Variants in ATP6V0D1 observed in about 807,000 individuals in gnomAD.
ATP6V0D1 encodes the protein ATPase H+ transporting V0 subunit d1.
In ATP6V0D1, 13 loss-of-function variants were observed where a neutral mutation model predicts 39.0. The observed-to-expected ratio is 0.33, with a 90% CI of 0.22 to 0.53. ATP6V0D1 has a LOEUF of 0.53. Ranked by LOEUF, ATP6V0D1 falls within the 20% of genes least tolerant of loss-of-function variation. The pLI, the probability that ATP6V0D1 is intolerant of heterozygous loss-of-function variation, is 0.94. For synonymous variants in ATP6V0D1, 191 were observed against 191.2 expected (o/e 1.00, Z 0.01); for missense variants, 272 against 470.9 (o/e 0.58, Z 3.91).
At chr16:67,468,954 C>T (rs1318126634) in intron 1 of ATP6V0D1, among the ~76,000 whole-genome samples, 3 of 152,218 alleles carry the variant, frequency 2.0e-5, no homozygotes, top group Non-Finnish European at 4.4e-5. Flanking sequence ...GATTTGGAAA[C>T]AGCAGTTATT....
intron 1 of ATP6V0D1, among the ~76,000 whole-genome samples, chr16:67,462,060 G>A (rs2041293182): frequency 6.6e-6 from 1 of 152,192 alleles, no homozygotes; most frequent in Non-Finnish European, 1.5e-5. Context: ...CAAAGGGAGG[G>A]GCAGAACTGG....
chr16:67,444,088 T>C lies in ATP6V0D1; in HGVS notation c.481+440A>G, dbSNP rs2041086671. Among the ~76,000 whole-genome samples the C allele has an allele frequency of 6.6e-6, 1 of 152,234 alleles. No homozygotes were observed. The highest frequency in any genetic ancestry group is 6.5e-5 in the Admixed American group (1 of 15,286). On this transcript the variant is annotated intron_variant, in intron 3 of 7. Transcript: ENST00000290949. The surrounding 1 kb of genome is among the most constrained non-coding windows in gnomAD (Gnocchi z 4.8). ...GCTGTCTGACCTGGCCCAGGGGACC[T>C]GCTCGGTGGAGGGAAGTGGCAGTGT...
At chr16:67,448,307 C>A (rs2041140187) in intron 2 of ATP6V0D1, among the ~76,000 whole-genome samples, 1 of 150,764 alleles carries the variant, frequency 6.6e-6, no homozygotes, top group Admixed American at 6.6e-5. Context: ...GAGCTATGAT[C>A]ATGCCACTGC....
intron 5 of ATP6V0D1, 24 bp downstream of exon 5, chr16:67,439,250 G>A (rs1459628459): frequency 5.0e-6 from 8 of 1,614,062 alleles, no homozygotes; most frequent in Middle Eastern, 1.7e-4. Context: ...GCACCAGCAG[G>A]CAGGAGGGCG....
chr16:67,464,593 G>A (rs2041314774), intron 1 of ATP6V0D1, among the ~76,000 whole-genome samples: 1 of 152,226 alleles, frequency 6.6e-6, no homozygotes, highest in Admixed American at 6.5e-5. Flanking sequence ...AACAGCCTCA[G>A]AAGAACTGAT....
chr16:67,466,860 C>A (rs1467099689), intron 1 of ATP6V0D1, among the ~76,000 whole-genome samples: 1 of 152,080 alleles, frequency 6.6e-6, no homozygotes, highest in African/African-American at 2.4e-5. Context: ...GAAAGCCAAA[C>A]CGGAGACCAC....
intron 2 of ATP6V0D1, among the ~76,000 whole-genome samples, chr16:67,452,658 C>T (rs1014802144): frequency 6.6e-6 from 1 of 152,228 alleles, no homozygotes; most frequent in Non-Finnish European, 1.5e-5. Flanking sequence ...CATGCCTCTG[C>T]TCACCACCCC....
At chr16:67,478,595 C>G (rs570344363) in intron 1 of ATP6V0D1, among the ~76,000 whole-genome samples, 1 of 132,174 alleles carries the variant, frequency 7.6e-6, no homozygotes, top group East Asian at 2.2e-4. Flanking sequence ...GCCTGGGTGA[C>G]AGGGCTAGAC....
chr16:67,477,310 GAAAC>G (rs1396339803), intron 1 of ATP6V0D1, among the ~76,000 whole-genome samples: 1 of 152,106 alleles, frequency 6.6e-6, no homozygotes, highest in Admixed American at 6.6e-5. Flanking sequence ...CATCCCAATT[GAAAC>G]AAATAAATCA....
chr16:67,452,915 C>T (rs1261856236), intron 2 of ATP6V0D1, among the ~76,000 whole-genome samples: 2 of 152,172 alleles, frequency 1.3e-5, no homozygotes, highest in African/African-American at 4.8e-5. Context: ...CTGGGGCAGC[C>T]AAGAGTCATA....
At position 67,453,501 on chromosome 16, in the gene ATP6V0D1, T is replaced by C; in HGVS notation, c.302+43A>G. The C allele has an allele frequency of 1.2e-6, 2 of 1,605,290 alleles. No homozygotes were observed. The highest frequency in any genetic ancestry group is 2.2e-5 in the East Asian group (1 of 44,754). On this transcript the variant is annotated intron_variant, in intron 2 of 7. Transcript: ENST00000290949. This position sits in a 1 kb window ranked among gnomAD's most constrained non-coding sequence, Gnocchi z 4.1. Reference sequence around the variant, plus strand: ...AACCCAGCTCCTGCAGGTGTAGCTATCCTGCCCAGGTAAGAGAAGAAGGCG... The same window carrying C: ...AACCCAGCTCCTGCAGGTGTAGCTACCCTGCCCAGGTAAGAGAAGAAGGCG...
chr16:67,471,702 C>G (rs533131362), intron 1 of ATP6V0D1, among the ~76,000 whole-genome samples: 9 of 151,770 alleles, frequency 5.9e-5, no homozygotes, highest in African/African-American at 1.9e-4. Context: ...GACGGGGTCT[C>G]TCTCTGTTGC....
intron 1 of ATP6V0D1, among the ~76,000 whole-genome samples, chr16:67,475,327 G>A (rs965310093): frequency 2.6e-5 from 4 of 152,220 alleles, no homozygotes; most frequent in Non-Finnish European, 5.9e-5. Context: ...GCCAAGTCCA[G>A]CCTGGAGTCT....
chr16:67,458,961 T>C, intron 1 of ATP6V0D1: 4 of 786,300 alleles, frequency 5.1e-6, no homozygotes, highest in Non-Finnish European at 6.2e-6. Flanking sequence ...CCACTCTCCA[T>C]ACCATCACCA....
intron 1 of ATP6V0D1, among the ~76,000 whole-genome samples, chr16:67,466,601 G>A (rs952470020): frequency 9.9e-5 from 15 of 151,992 alleles, no homozygotes; most frequent in Admixed American, 2.0e-4. Flanking sequence ...TTGGAAGGCC[G>A]AGGCTGAAAG....
intron 1 of ATP6V0D1, among the ~76,000 whole-genome samples, chr16:67,460,473 T>C (rs893110455): frequency 1.3e-5 from 2 of 152,048 alleles, no homozygotes; most frequent in African/African-American, 4.8e-5. Flanking sequence ...TCTGGAACTC[T>C]CAGTGTGGGA....
intron 1 of ATP6V0D1, chr16:67,455,615 G>C (rs1304297856): frequency 1.3e-5 from 2 of 152,222 alleles, no homozygotes; most frequent in Admixed American, 1.3e-4. Flanking sequence ...AGAAGAGAAA[G>C]TCAGGCAGGG....
intron 1 of ATP6V0D1, among the ~76,000 whole-genome samples, chr16:67,463,048 T>G (rs759084303): frequency 6.6e-6 from 1 of 152,142 alleles, no homozygotes; most frequent in African/African-American, 2.4e-5. Flanking sequence ...AATAAGCAGG[T>G]CAGGCTGGAT....
chr16:67,462,889 C>A (rs1182344667), intron 1 of ATP6V0D1, among the ~76,000 whole-genome samples: 1 of 152,072 alleles, frequency 6.6e-6, no homozygotes, highest in South Asian at 2.1e-4. Context: ...TGGCCTGCAC[C>A]ACCTGAGCAA....
Sources: gnomAD v4.1 joint callset for allele counts (sites outside exome capture counted in the v4.1 genomes callset) on GRCh38, gnomAD v4.1.1 for gene constraint, Gnocchi (gnomAD v3.1) non-coding constraint, MANE v1.5 for transcripts, NCBI Gene and HGNC (gene_info 2026-07-23, HGNC 2026-07-21) for gene names.